MAP2K6: variants seen among roughly 807,000 people sequenced by gnomAD.
MAP2K6 encodes the protein dual specificity mitogen-activated protein kinase kinase 6.
Under a neutral mutation model 53.7 loss-of-function variants are expected in MAP2K6, and 16 were observed. The ratio of observed to expected loss-of-function variants is 0.30; its 90% CI spans 0.20 to 0.45. The LOEUF is 0.45. Among genes scored for constraint, MAP2K6 ranks in the 20% least tolerant of loss-of-function variants. The pLI is 1.00. For synonymous variants in MAP2K6, 132 were observed against 143.1 expected (o/e 0.92, Z 0.55); for missense variants, 204 against 411.9 (o/e 0.50, Z 4.37).
At chr17:69,455,857 T>G (rs951389908) in intron 1 of MAP2K6, among the ~76,000 whole-genome samples, 2 of 145,110 alleles carry the variant, frequency 1.4e-5, no homozygotes, top group Non-Finnish European at 3.0e-5. Context: ...TTCAGTTTTT[T>G]TTTTTTTTTT....
At chr17:69,418,314 A>G (rs1211205223) in intron 1 of MAP2K6, among the ~76,000 whole-genome samples, 1 of 152,190 alleles carries the variant, frequency 6.6e-6, no homozygotes, top group Admixed American at 6.5e-5. Context: ...ATGTTGGAGA[A>G]AAGAGTTGAG....
intron 1 of MAP2K6, among the ~76,000 whole-genome samples, chr17:69,500,074 A>G (rs1020079826): frequency 2.0e-5 from 3 of 152,186 alleles, no homozygotes; most frequent in African/African-American, 7.2e-5. Context: ...AAGGAACAGT[A>G]TGAGCAAAGG....
intron 1 of MAP2K6, among the ~76,000 whole-genome samples, chr17:69,417,603 A>G (rs976616488): frequency 6.6e-6 from 1 of 152,168 alleles, no homozygotes; most frequent in African/African-American, 2.4e-5. Context: ...TTGAGTTGAC[A>G]TTTTTCAAAT....
chr17:69,525,125 T>C, intron 9 of MAP2K6, 147 bp downstream of exon 9: 1 of 573,272 alleles, frequency 1.7e-6, no homozygotes, highest in Non-Finnish European at 3.2e-6. Flanking sequence ...GAGTAATAAT[T>C]GTTTGTATTG....
At position 69,544,894 on chromosome 17, in the gene MAP2K6, TC is replaced by T. The variant is rs1422085702; in HGVS notation, c.*3143del. On this transcript the variant is annotated 3_prime_UTR_variant, in exon 12 of 12. Transcript: ENST00000590474. ...AGAAAAGGCTTTAGAATCCACTCCC[TC>T]CTCTGAGATGTGTGTCATCATTTGA... 6.6e-6 allele frequency: 1 copy of T among 152,222 alleles called. No homozygotes were observed. Among genetic ancestry groups the T allele is most frequent in the Non-Finnish European group, 1.5e-5 (1 of 68,034 alleles). The allele number at this position is 152,222 out of a possible 1,614,324, so 9.4% of individuals were successfully genotyped here.
rs543393740 is a variant in MAP2K6 at position 69,425,006 on chromosome 17, A to G, written c.16+10006A>G. ...GTTGTATCACACAGAAACTAAGCCGACTCAAACCTTGTGTGTTTCCTTACA... is the reference window on the plus strand; with the variant it reads ...GTTGTATCACACAGAAACTAAGCCGGCTCAAACCTTGTGTGTTTCCTTACA... On this transcript the variant is annotated intron_variant, in intron 1 of 11. Transcript: ENST00000590474. Among the ~76,000 whole-genome samples, 16 of 152,332 alleles carry G rather than the reference A, an allele frequency of 1.1e-4. No individual in the cohort carries two copies. The South Asian group carries it at 3.3e-3, about 32-fold the overall frequency.
At chr17:69,496,805 C>T (rs966523146) in intron 1 of MAP2K6, among the ~76,000 whole-genome samples, 2 of 152,056 alleles carry the variant, frequency 1.3e-5, no homozygotes, top group Non-Finnish European at 2.9e-5. Context: ...GCCATGCGTC[C>T]CGTCCCTGCA....
At chr17:69,448,339 C>CT (rs11369507) in intron 1 of MAP2K6, among the ~76,000 whole-genome samples, 8,620 of 150,276 alleles carry the variant, frequency 0.057, 822 homozygotes, top group African/African-American at 0.2. Context: ...AAATCACTGT[C>CT]TTTTTTTTCT....
Position 69,463,848 on chromosome 17 carries a change from T to A in MAP2K6, c.17-41932T>A, listed in dbSNP as rs1302581030. On this transcript the variant is annotated intron_variant, in intron 1 of 11. Transcript: ENST00000590474. ...GCCTGGCCAACATGATGAAACCCCA[T>A]CTCTACTAAAAATACAAAAAATTAG... Among the ~76,000 whole-genome samples, 3 of 151,480 alleles carry A rather than the reference T, an allele frequency of 2.0e-5. No individual in the cohort carries two copies. In the East Asian group the frequency reaches 5.9e-4, roughly 30 times the overall value.
intron 1 of MAP2K6, among the ~76,000 whole-genome samples, chr17:69,485,918 T>A (rs1430943079): frequency 6.6e-6 from 1 of 152,214 alleles, no homozygotes; most frequent in Non-Finnish European, 1.5e-5. Flanking sequence ...GCATCAAAAC[T>A]TTCCTTAGAT....
intron 5 of MAP2K6, chr17:69,519,720 T>G: frequency 3.0e-6 from 1 of 328,484 alleles, no homozygotes; most frequent in South Asian, 4.0e-5. Flanking sequence ...ACTGATTTGC[T>G]TAGATCTCTT....
At chr17:69,484,625 A>G (rs1908460605) in intron 1 of MAP2K6, among the ~76,000 whole-genome samples, 1 of 152,160 alleles carries the variant, frequency 6.6e-6, no homozygotes, top group East Asian at 1.9e-4. Context: ...AAACTTGTAC[A>G]TGAATGTACT....
intron 1 of MAP2K6, chr17:69,433,240 T>G (rs138802525): frequency 6.6e-6 from 1 of 152,260 alleles, no homozygotes; most frequent in Non-Finnish European, 1.5e-5. Context: ...GCAGCAATTA[T>G]GACCGAGAGA....
intron 1 of MAP2K6, among the ~76,000 whole-genome samples, chr17:69,468,447 C>T (rs551899337): frequency 1.8e-4 from 28 of 152,204 alleles, no homozygotes; most frequent in Non-Finnish European, 2.9e-4. Context: ...TTTCTGCTCT[C>T]GCAAAACTTA....
intron 1 of MAP2K6, among the ~76,000 whole-genome samples, chr17:69,472,641 C>G (rs1314451235): frequency 6.6e-6 from 1 of 152,184 alleles, no homozygotes; most frequent in Admixed American, 6.5e-5. Flanking sequence ...CTCTGAGCTA[C>G]TGGGATAAGA....
intron 1 of MAP2K6, among the ~76,000 whole-genome samples, chr17:69,417,783 C>T (rs942136740): frequency 3.9e-5 from 6 of 152,084 alleles, no homozygotes; most frequent in African/African-American, 1.4e-4. Context: ...TAATGATCTC[C>T]GGAGGGAGGG....
chr17:69,440,452 C>T (rs891016342), intron 1 of MAP2K6, among the ~76,000 whole-genome samples: 1 of 152,132 alleles, frequency 6.6e-6, no homozygotes, highest in African/African-American at 2.4e-5. Flanking sequence ...TACAGTGGTC[C>T]CCTCTGGCTT....
At chr17:69,518,196 T>TA (rs1183732360) in intron 4 of MAP2K6, among the ~76,000 whole-genome samples, 22 of 126,136 alleles carry the variant, frequency 1.7e-4, no homozygotes, top group Non-Finnish European at 3.6e-4. Flanking sequence ...TCTCAAATAA[T>TA]ATTAATAATA....
chr17:69,497,044 T>C (rs1300421067), intron 1 of MAP2K6, among the ~76,000 whole-genome samples: 1 of 152,232 alleles, frequency 6.6e-6, no homozygotes, highest in Non-Finnish European at 1.5e-5. Flanking sequence ...GTTCCTCTTA[T>C]GCAGTAAGTG....
Sources: allele counts gnomAD v4.1 joint callset (sites outside exome capture counted in the v4.1 genomes callset), GRCh38; gene constraint gnomAD v4.1.1; transcripts MANE v1.5; gene names NCBI Gene and HGNC (gene_info 2026-07-23, HGNC 2026-07-21).